The following TMEM260 variants were observed in gnomAD, a reference collection of about 807,000 sequenced individuals.
TMEM260 encodes protein O-mannosyl-transferase TMEM260.
TMEM260 carries 82 observed loss-of-function variants against 88.9 expected under a neutral mutation model. The observed-to-expected ratio is 0.92, with a 90% CI of 0.77 to 1.11. TMEM260 has a LOEUF of 1.11. TMEM260 is among the 50% of genes least tolerant of loss of function. TMEM260 has a pLI of 0.00. For synonymous variants in TMEM260, 314 were observed against 309.3 expected (o/e 1.02, Z -0.16); for missense variants, 902 against 853.4 (o/e 1.06, Z -0.71).
chr14:56,601,868 T>C (rs1239021477), intron 3 of TMEM260, among the ~76,000 whole-genome samples: 1 of 152,092 alleles, frequency 6.6e-6, no homozygotes, highest in Non-Finnish European at 1.5e-5. Context: ...CTTTGAGCAC[T>C]TACTTACTTT....
rs552305187 is a variant in TMEM260 at position 56,585,756 on chromosome 14, C to T, written c.193-5C>T. 75 of 1,609,584 alleles carry T rather than the reference C, an allele frequency of 4.7e-5. No individual in the cohort carries two copies. The East Asian group carries it at 4.9e-4, about 11-fold the overall frequency. On this transcript the variant is annotated splice_polypyrimidine_tract_variant and splice_region_variant and intron_variant, in intron 2 of 15. Coordinates refer to ENST00000261556, the MANE Select transcript of TMEM260 (RefSeq NM_017799.4). ...ACCTTCTAACTGTTGCTAATTTTTC[C>T]GTAGGTTGCCCATCCTCCTGGCTAT...
chr14:56,608,946 A>C (rs1264480748), intron 5 of TMEM260, among the ~76,000 whole-genome samples, 160 bp from the exon 6 acceptor site: 1 of 152,236 alleles, frequency 6.6e-6, no homozygotes, highest in African/African-American at 2.4e-5. Flanking sequence ...AATCCGTAGT[A>C]ATCAGAAGGT....
intron 3 of TMEM260, among the ~76,000 whole-genome samples, chr14:56,591,399 G>T (rs55797143): frequency 6.6e-6 from 1 of 152,208 alleles, no homozygotes; most frequent in Non-Finnish European, 1.5e-5. Context: ...GATGAAAGTA[G>T]TTTAATACCC....
chr14:56,641,902 G>A (rs868313540), intron 15 of TMEM260, among the ~76,000 whole-genome samples: 6,510 of 152,192 alleles, frequency 0.043, 206 homozygotes, highest in East Asian at 0.099. Context: ...ACAAAGATCA[G>A]AAGAGACAAA....
Position 56,605,545 on chromosome 14 carries a change from A to AT in TMEM260, c.523-14dup, listed in dbSNP as rs59106153. On this transcript the variant is annotated intron_variant, in intron 4 of 15. Coordinates refer to ENST00000261556, the MANE Select transcript of TMEM260 (RefSeq NM_017799.4). ...GAGTTTTAGGTGAATTTTTTACTTA[A>AT]TTTTTTTTTTTAATTTATTTTCAGG... 8.7e-3 allele frequency: 10,078 copies of AT among 1,153,188 alleles called. 1 individual carries two copies. The highest frequency in any genetic ancestry group is 9.9e-3 in the Non-Finnish European group (8,313 of 835,776). 71.4% of individuals were successfully genotyped at this position (1,153,188 alleles called of 1,614,324 possible). A position where few individuals can be genotyped will look rare whatever the true frequency, so the allele number is the denominator to read the frequency against.
At position 56,612,184 on chromosome 14, in the gene TMEM260, A is replaced by G. The variant is rs545410659; in HGVS notation, c.817-61A>G. The G allele has an allele frequency of 3.3e-5, 47 of 1,424,782 alleles. No individual in the cohort carries two copies. The East Asian group carries it at 4.8e-4, about 15-fold the overall frequency. The allele number at this position is 1,424,782 out of a possible 1,614,324, so 88.3% of individuals were successfully genotyped here. A position where few individuals can be genotyped will look rare whatever the true frequency, so the allele number is the denominator to read the frequency against. The stretch of plus-strand genomic sequence containing the variant: ...AATCTTTTAAGATTATTAAAATACA[A>G]TAGCCTAATAAAGCGTCAGTTTAAT... On this transcript the variant is annotated intron_variant, in intron 6 of 15. Coordinates refer to ENST00000261556, the MANE Select transcript of TMEM260 (RefSeq NM_017799.4).
intron 14 of TMEM260, among the ~76,000 whole-genome samples, chr14:56,635,785 A>G (rs1170068710): frequency 6.6e-6 from 1 of 152,168 alleles, no homozygotes; most frequent in Non-Finnish European, 1.5e-5. Flanking sequence ...GAGCTTATAT[A>G]AGTTTAAAGA....
At chr14:56,630,313 C>T (rs747591859) in intron 12 of TMEM260, among the ~76,000 whole-genome samples, 1 of 152,154 alleles carries the variant, frequency 6.6e-6, no homozygotes, top group Non-Finnish European at 1.5e-5. Context: ...GGGAATTTTT[C>T]ATACATTATG....
rs982813446 is a variant in TMEM260, at chr14:56,622,023, G to A, written c.1398+321G>A. Among the ~76,000 whole-genome samples, 4 of 152,202 alleles carry A rather than the reference G, an allele frequency of 2.6e-5. No individual in the cohort carries two copies. In the East Asian group the frequency reaches 5.8e-4, roughly 22 times the overall value. ...GTGACAAACCATAAAAGTGTTTGTTGTATGGTAAATCTATTTTTAAATTGT... is the reference window on the plus strand; with the variant it reads ...GTGACAAACCATAAAAGTGTTTGTTATATGGTAAATCTATTTTTAAATTGT... On this transcript the variant is annotated intron_variant, in intron 11 of 15. Coordinates refer to ENST00000261556, the MANE Select transcript of TMEM260 (RefSeq NM_017799.4).
At chr14:56,632,267 G>C (rs1888665967) in intron 12 of TMEM260, among the ~76,000 whole-genome samples, 1 of 152,162 alleles carries the variant, frequency 6.6e-6, no homozygotes, top group Admixed American at 6.5e-5. Context: ...TGCCCTTCCT[G>C]TGACTGTGTC....
At chr14:56,600,458 G>A (rs1199713518) in intron 3 of TMEM260, among the ~76,000 whole-genome samples, 20 of 152,040 alleles carry the variant, frequency 1.3e-4, no homozygotes, top group African/African-American at 3.6e-4. Flanking sequence ...AAATGAAGTC[G>A]GAAAGAACTC....
chr14:56,585,122 A>G, intron 2 of TMEM260, 90 bp downstream of exon 2: 2 of 1,250,800 alleles, frequency 1.6e-6, no homozygotes, highest in Non-Finnish European at 2.3e-6. Context: ...AAAGTAGATT[A>G]ATTTATTTTC....
chr14:56,630,283 T>G (rs1008391911), intron 12 of TMEM260, among the ~76,000 whole-genome samples: 1 of 152,200 alleles, frequency 6.6e-6, no homozygotes, highest in African/African-American at 2.4e-5. Context: ...ACCTGTAAGA[T>G]TGTATCTTTC....
At chr14:56,607,449 A>T (rs1390101906) in intron 5 of TMEM260, among the ~76,000 whole-genome samples, 2 of 152,172 alleles carry the variant, frequency 1.3e-5, no homozygotes, top group African/African-American at 4.8e-5. Flanking sequence ...TTTATTTCCC[A>T]TTAGTTAAAA....
chr14:56,588,554 A>AT (rs1326548162), intron 3 of TMEM260, among the ~76,000 whole-genome samples: 3 of 148,832 alleles, frequency 2.0e-5, no homozygotes, highest in Non-Finnish European at 3.0e-5. Flanking sequence ...TTAACACTGC[A>AT]TTTTTTTGTC....
intron 1 of TMEM260, among the ~76,000 whole-genome samples, chr14:56,581,541 T>C (rs1379273979): frequency 6.6e-6 from 1 of 152,144 alleles, no homozygotes; most frequent in African/African-American, 2.4e-5. Flanking sequence ...TGTAAAAAAA[T>C]AAAAAGATTG....
chr14:56,604,014 GA>G, intron 4 of TMEM260, 22 bp downstream of exon 4: 1 of 1,509,682 alleles, frequency 6.6e-7, no homozygotes, highest in East Asian at 2.4e-5. Flanking sequence ...TGATCAAAGT[GA>G]AATCAGTTTT....
At position 56,621,667 on chromosome 14, in the gene TMEM260, G is replaced by A. The variant is rs1887928847; in HGVS notation, c.1363G>A (p.Gly455Arg). 5 of 1,612,738 alleles carry A rather than the reference G, an allele frequency of 3.1e-6. No homozygotes were observed. The highest frequency in any genetic ancestry group is 4.2e-6 in the Non-Finnish European group (5 of 1,179,468). Residue 455 changes from glycine (G) to arginine (R), a missense_variant, in exon 11 of 16, where the codon GGG becomes AGG. Physicochemically the swap from Gly to Arg is moderately radical, Grantham distance 125 (BLOSUM62 -2). Coordinates refer to ENST00000261556, the MANE Select transcript of TMEM260 (RefSeq NM_017799.4). ...NSLRYMHYCE[G>R]LRPDISLVDQ... The stretch of plus-strand genomic sequence containing the variant: ...TCTCCGTTACATGCATTACTGTGAG[G>A]GGTTGAGGCCTGACATTTCATTAGT...
At chr14:56,627,100 C>T (rs901481346) in intron 12 of TMEM260, among the ~76,000 whole-genome samples, 2 of 152,050 alleles carry the variant, frequency 1.3e-5, no homozygotes, top group African/African-American at 4.8e-5. Context: ...TTGGGATATT[C>T]TGTTTCTAGA....
Sources: allele counts gnomAD v4.1 joint callset (sites outside exome capture counted in the v4.1 genomes callset), GRCh38; gene constraint gnomAD v4.1.1; transcripts MANE v1.5; gene names NCBI Gene and HGNC (gene_info 2026-07-23, HGNC 2026-07-21).